Variants in SUGCT observed in about 807,000 individuals in gnomAD.
SUGCT encodes the protein succinyl-CoA:glutarate CoA-transferase.
In SUGCT, 41 loss-of-function variants were observed where a neutral mutation model predicts 55.0. The ratio of observed to expected loss-of-function variants is 0.74; its 90% CI spans 0.58 to 0.97. The LOEUF (loss-of-function observed/expected upper bound fraction) is 0.97. SUGCT is among the 50% of genes least tolerant of loss of function. The pLI is 0.00. For missense variants in SUGCT, 568 were observed against 547.8 expected (o/e 1.04, Z -0.37); for synonymous variants, 187 against 200.4 (o/e 0.93, Z 0.56).
intron 12 of SUGCT, among the ~76,000 whole-genome samples, chr7:40,616,125 C>T (rs1798991344): frequency 6.6e-6 from 1 of 152,000 alleles, no homozygotes; most frequent in Admixed American, 6.6e-5. Flanking sequence ...GTGCCAGATA[C>T]TGAACAATGT....
intron 13 of SUGCT, among the ~76,000 whole-genome samples, chr7:40,819,060 C>T (rs1195756333): frequency 6.6e-6 from 1 of 151,946 alleles, no homozygotes; most frequent in African/African-American, 2.4e-5. Context: ...TTTCCAGCTT[C>T]GTCCATGTCC....
chr7:40,500,768 ATCT>A (rs1792237513), intron 12 of SUGCT, among the ~76,000 whole-genome samples: 1 of 152,132 alleles, frequency 6.6e-6, no homozygotes, highest in African/African-American at 2.4e-5. Context: ...ATATCTGAGC[ATCT>A]TATTTTTTAA....
intron 9 of SUGCT, among the ~76,000 whole-genome samples, chr7:40,416,255 T>A (rs1786995848): frequency 1.3e-5 from 2 of 151,872 alleles, no homozygotes; most frequent in Non-Finnish European, 2.9e-5. Flanking sequence ...TTGCATATAG[T>A]GTATGTAATC....
At chr7:40,832,876 A>G (rs1392937427) in intron 13 of SUGCT, among the ~76,000 whole-genome samples, 1 of 151,856 alleles carries the variant, frequency 6.6e-6, no homozygotes, top group Non-Finnish European at 1.5e-5. Context: ...GGGTGTCACC[A>G]TGTTAACCAG....
the SUGCT span, among the ~76,000 whole-genome samples, chr7:40,998,984 C>T: frequency 2.0e-5 from 3 of 152,176 alleles, no homozygotes; most frequent in African/African-American, 4.8e-5. Flanking sequence ...AGCAGTGGTA[C>T]ACATACATGT....
intron 12 of SUGCT, among the ~76,000 whole-genome samples, chr7:40,501,932 T>A (rs1159689486): frequency 6.6e-6 from 1 of 152,054 alleles, no homozygotes; most frequent in Non-Finnish European, 1.5e-5. Flanking sequence ...ATTTAAAATG[T>A]CTTAAGCATA....
At position 40,237,764 on chromosome 7, in the gene SUGCT, C is replaced by T. The variant is rs549048551; in HGVS notation, c.576+38C>T. 1.4e-5 allele frequency: 22 copies of T among 1,552,052 alleles called. No homozygotes were observed. The East Asian group carries it at 4.5e-4, about 32-fold the overall frequency. ...CCTTAGAATATTCATAATTTCTTCC[C>T]TTACATATTCCAAAAGGATTTTACT... On this transcript the variant is annotated intron_variant, in intron 7 of 13. Coordinates refer to ENST00000335693, the MANE Select transcript of SUGCT (RefSeq NM_001193313.2).
At chr7:41,034,913 C>T in the SUGCT span, among the ~76,000 whole-genome samples, 326 of 152,250 alleles carry the variant, frequency 2.1e-3, 6 homozygotes, top group East Asian at 0.048. Context: ...ATTTGAATAG[C>T]GTGGTTCTGC....
chr7:41,009,187 C>A, the SUGCT span, among the ~76,000 whole-genome samples: 1 of 135,746 alleles, frequency 7.4e-6, no homozygotes, highest in African/African-American at 3.0e-5. Context: ...GCACTTCTGC[C>A]TGGGTGACAA....
At chr7:40,340,334 A>C (rs919019690) in intron 9 of SUGCT, among the ~76,000 whole-genome samples, 26 of 152,294 alleles carry the variant, frequency 1.7e-4, no homozygotes, top group African/African-American at 5.8e-4. Flanking sequence ...CTCACAACTC[A>C]ATTTCACTTA....
chr7:40,268,196 T>A (rs1203793905), intron 7 of SUGCT, among the ~76,000 whole-genome samples: 1 of 152,154 alleles, frequency 6.6e-6, no homozygotes, highest in Non-Finnish European at 1.5e-5. Context: ...CTTACAACAG[T>A]CAATTTTAGA....
At chr7:40,634,611 C>G (rs2151814788) in intron 12 of SUGCT, among the ~76,000 whole-genome samples, 1 of 152,222 alleles carries the variant, frequency 6.6e-6, no homozygotes. Context: ...AACAATGAAG[C>G]AAAACAAAAT....
At chr7:40,956,680 CT>C in the SUGCT span, among the ~76,000 whole-genome samples, 2 of 52,920 alleles carry the variant, frequency 3.8e-5, no homozygotes, top group Non-Finnish European at 8.5e-5. Context: ...AATTTGTTTG[CT>C]CTTCTCTAGT....
intron 7 of SUGCT, among the ~76,000 whole-genome samples, chr7:40,267,554 G>A (rs1246085562): frequency 2.0e-5 from 3 of 152,082 alleles, no homozygotes; most frequent in Non-Finnish European, 4.4e-5. Flanking sequence ...CTTTACCCAT[G>A]ATAGAGACAA....
chr7:40,320,189 C>G (rs915352772), intron 9 of SUGCT, among the ~76,000 whole-genome samples: 2 of 152,024 alleles, frequency 1.3e-5, no homozygotes, highest in Non-Finnish European at 2.9e-5. Flanking sequence ...TTACTGCAAC[C>G]TCCACCTCCC....
intron 13 of SUGCT, among the ~76,000 whole-genome samples, chr7:40,773,704 A>T (rs746257522): frequency 5.9e-5 from 9 of 152,094 alleles, no homozygotes; most frequent in African/African-American, 9.7e-5. Context: ...AGAATAGTTG[A>T]CCTCTAGATA....
At chr7:40,915,059 C>G in the SUGCT span, among the ~76,000 whole-genome samples, 96 of 152,168 alleles carry the variant, frequency 6.3e-4, 1 homozygote, top group Admixed American at 3.2e-3. Flanking sequence ...CAGAAAATAC[C>G]ATTAGAATGT....
At chr7:40,322,621 G>C (rs1238875221) in intron 9 of SUGCT, among the ~76,000 whole-genome samples, 1 of 152,102 alleles carries the variant, frequency 6.6e-6, no homozygotes, top group Non-Finnish European at 1.5e-5. Flanking sequence ...AGGGTAAATT[G>C]CCCAAGAGGC....
chr7:40,884,116 C>T, the SUGCT span, among the ~76,000 whole-genome samples: 1 of 152,160 alleles, frequency 6.6e-6, no homozygotes, highest in African/African-American at 2.4e-5. Context: ...ACTTTCCTGA[C>T]ATTTGGTTCT....
Sources: allele counts gnomAD v4.1 joint callset (sites outside exome capture counted in the v4.1 genomes callset), GRCh38; gene constraint gnomAD v4.1.1; transcripts MANE v1.5; gene names NCBI Gene and HGNC (gene_info 2026-07-23, HGNC 2026-07-21).